Variants in LRRFIP1 observed in about 807,000 individuals in gnomAD.
The protein encoded by LRRFIP1 is leucine-rich repeat flightless-interacting protein 1.
In LRRFIP1, 62 loss-of-function variants were observed where a neutral mutation model predicts 104.4. The observed-to-expected ratio is 0.59, with a 90% CI of 0.48 to 0.73. The LOEUF (loss-of-function observed/expected upper bound fraction) is 0.73. Ranked by LOEUF, LRRFIP1 falls within the 30% of genes least tolerant of loss-of-function variation. The pLI, the probability that LRRFIP1 is intolerant of heterozygous loss-of-function variation, is 0.00. For synonymous variants in LRRFIP1, 300 were observed against 299.0 expected (o/e 1.00, Z -0.03); for missense variants, 796 against 824.5 (o/e 0.97, Z 0.42).
At chr2:237,718,088 C>T (rs1168158835) in intron 4 of LRRFIP1, among the ~76,000 whole-genome samples, 1 of 152,222 alleles carries the variant, frequency 6.6e-6, no homozygotes, top group Non-Finnish European at 1.5e-5. Context: ...GGGAGGTCTC[C>T]ACTACCACAG....
intron 10 of LRRFIP1, among the ~76,000 whole-genome samples, chr2:237,739,020 C>G (rs902578039): frequency 2.0e-5 from 3 of 152,206 alleles, no homozygotes; most frequent in Admixed American, 2.0e-4. Flanking sequence ...TTCTGTGTTC[C>G]TCTGATAATG....
At position 237,642,435 on chromosome 2, in the gene LRRFIP1, C is replaced by T. The variant is rs552734799; in HGVS notation, c.96+14695C>T. 1.8e-3 allele frequency among the ~76,000 whole-genome samples: 269 copies of T among 151,540 alleles called. 1 individual carries two copies. The highest frequency in any genetic ancestry group is 5.9e-3 in the African/African-American group (241 of 41,114). ...GTTCCAGGCTAAGGGTTTCAGCTTC[C>T]GGGTTCCAGGCTCCAGGCTCCAGGT... On this transcript the variant is annotated intron_variant, in intron 1 of 23. Transcript: ENST00000308482.
At chr2:237,629,814 G>A (rs542025098) in intron 1 of LRRFIP1, among the ~76,000 whole-genome samples, 3 of 152,148 alleles carry the variant, frequency 2.0e-5, no homozygotes, top group Non-Finnish European at 4.4e-5. Context: ...GGAAGGCAAG[G>A]GAACACTCCT....
chr2:237,650,104 G>A, intron 1 of LRRFIP1, among the ~76,000 whole-genome samples: 1 of 151,930 alleles, frequency 6.6e-6, no homozygotes, highest in Admixed American at 6.6e-5. Context: ...GTGTTGGAAA[G>A]GGCTCCAGAG....
At chr2:237,718,755 G>C (rs901511377) in intron 4 of LRRFIP1, among the ~76,000 whole-genome samples, 1 of 152,066 alleles carries the variant, frequency 6.6e-6, no homozygotes, top group Non-Finnish European at 1.5e-5. Flanking sequence ...AACATCTTAC[G>C]TACTGGGTAT....
intron 19 of LRRFIP1, chr2:237,763,697 G>A (rs1194962683): frequency 6.2e-7 from 1 of 1,614,214 alleles, no homozygotes; most frequent in East Asian, 2.2e-5. Context: ...AGAAGGTGAT[G>A]ATGTACAAAC....
rs1295414269 is a variant in LRRFIP1, at chr2:237,769,994, T to G, written c.1509+2T>G. 1 of 1,600,788 alleles carries G rather than the reference T, an allele frequency of 6.2e-7. No homozygotes were observed. Among genetic ancestry groups the G allele is most frequent in the African/African-American group, 1.3e-5 (1 of 74,826 alleles). On this transcript the variant is annotated splice_donor_variant, in intron 20 of 23. Transcript: ENST00000308482. LOFTEE classifies it high-confidence loss of function. ...GAACGGGAATGCTTATTGGAACAGG[T>G]AACAATCTTTTTATTACTTTACCGG...
At chr2:237,709,305 A>T (rs2150030379) in intron 2 of LRRFIP1, among the ~76,000 whole-genome samples, 1 of 152,312 alleles carries the variant, frequency 6.6e-6, no homozygotes, top group African/African-American at 2.4e-5. Flanking sequence ...GACCTCAGAG[A>T]CATAGAAGCT....
At chr2:237,750,645 C>T (rs2058508496) in intron 13 of LRRFIP1, among the ~76,000 whole-genome samples, 3 of 152,122 alleles carry the variant, frequency 2.0e-5, no homozygotes, top group Non-Finnish European at 4.4e-5. Flanking sequence ...CTGTTGTTTC[C>T]GTTTCTACAG....
intron 1 of LRRFIP1, among the ~76,000 whole-genome samples, chr2:237,656,330 C>T (rs1009085021): frequency 6.6e-5 from 10 of 152,128 alleles, no homozygotes; most frequent in Admixed American, 6.5e-4. Context: ...TTATACTGGG[C>T]AGGGGTAGGG....
At chr2:237,638,887 T>C (rs933156951) in intron 1 of LRRFIP1, among the ~76,000 whole-genome samples, 14 of 152,200 alleles carry the variant, frequency 9.2e-5, no homozygotes, top group Non-Finnish European at 1.8e-4. Context: ...ACTGGACTGA[T>C]CGATGGACTG....
chr2:237,772,660 G>T (rs2060753410), intron 21 of LRRFIP1: 1 of 590,534 alleles, frequency 1.7e-6, no homozygotes, highest in Non-Finnish European at 3.0e-6. Context: ...CCTGCCCCAA[G>T]CACAGGGGCG....
At chr2:237,715,571 G>T (rs2094296713) in intron 3 of LRRFIP1, among the ~76,000 whole-genome samples, 1 of 152,218 alleles carries the variant, frequency 6.6e-6, no homozygotes, top group Non-Finnish European at 1.5e-5. Flanking sequence ...AAGGAGCCCC[G>T]GAAACCTGCA....
chr2:237,758,696 T>A (rs752597327), intron 17 of LRRFIP1, 33 bp from the exon 18 acceptor site: 3 of 1,508,550 alleles, frequency 2.0e-6, no homozygotes, highest in South Asian at 1.2e-5. Flanking sequence ...TGTGCAAATC[T>A]TCTTCTTTCT....
At chr2:237,746,405 T>C (rs969865864) in intron 11 of LRRFIP1, among the ~76,000 whole-genome samples, 1 of 152,186 alleles carries the variant, frequency 6.6e-6, no homozygotes, top group Non-Finnish European at 1.5e-5. Context: ...TTTCTTTCCA[T>C]GTGAAGTTGA....
chr2:237,698,060 G>A (rs1470165581), intron 1 of LRRFIP1, among the ~76,000 whole-genome samples: 1 of 152,212 alleles, frequency 6.6e-6, no homozygotes, highest in Non-Finnish European at 1.5e-5. Flanking sequence ...GTCAATGTGT[G>A]AGTCATCAAT....
At chr2:237,727,800 T>G in intron 7 of LRRFIP1, 76 bp from the exon 8 acceptor site, 1 of 1,068,232 alleles carries the variant, frequency 9.4e-7, no homozygotes, top group Admixed American at 1.9e-5. Context: ...ACCTGGCTGG[T>G]TGGTCCCTGC....
At chr2:237,708,285 C>G (rs1024696085) in intron 1 of LRRFIP1, among the ~76,000 whole-genome samples, 1 of 152,224 alleles carries the variant, frequency 6.6e-6, no homozygotes, top group Admixed American at 6.5e-5. Flanking sequence ...GAGGCTGTTG[C>G]AAGGAATACA....
At chr2:237,721,939 A>AC (rs1352318313) in intron 6 of LRRFIP1, 21 of 152,098 alleles carry the variant, frequency 1.4e-4, no homozygotes, top group African/African-American at 5.1e-4. Context: ...GGACCGTCTG[A>AC]CCCCACTCAC....
Sources: gnomAD v4.1 joint callset for allele counts (sites outside exome capture counted in the v4.1 genomes callset) on GRCh38, gnomAD v4.1.1 for gene constraint, MANE v1.5 for transcripts, NCBI Gene and HGNC (gene_info 2026-07-23, HGNC 2026-07-21) for gene names.